The following OLFML2A variants were observed in gnomAD, a reference collection of about 807,000 sequenced individuals.
The protein encoded by OLFML2A is olfactomedin like 2A, also known as olfactomedin-like protein 2A.
A neutral mutation model predicts 60.9 loss-of-function variants in OLFML2A; 47 were observed. The ratio of observed to expected loss-of-function variants is 0.77; its 90% CI spans 0.61 to 0.98. The LOEUF (loss-of-function observed/expected upper bound fraction) is 0.98. Ranked by LOEUF, OLFML2A falls within the 50% of genes least tolerant of loss-of-function variation. OLFML2A has a pLI of 0.00. For missense variants in OLFML2A, 922 were observed against 879.8 expected, an observed-to-expected ratio of 1.05 and a Z score of -0.61; for synonymous variants, 372 against 375.0, an observed-to-expected ratio of 0.99 and a Z score of 0.09.
rs957685262 is a variant in OLFML2A at position 124,777,160 on chromosome 9, A to AGGCGCGG, written c.-100_-94dup. On this transcript the variant is annotated 5_prime_UTR_variant, in exon 1 of 8. Coordinates refer to ENST00000373580, the MANE Select transcript of OLFML2A (RefSeq NM_182487.4). This position sits in a 1 kb window ranked among gnomAD's most constrained non-coding sequence, Gnocchi z 6.2. Reference sequence around the variant, plus strand: ...ACCCGCGGGGCTGGCAGCAGGGTGCAGGCGCGGGGCGCGGGGCAGGCAGAG... The same window carrying AGGCGCGG: ...ACCCGCGGGGCTGGCAGCAGGGTGCAGGCGCGGGGCGCGGGGCGCGGGGCAGGCAGAG... 2.9e-5 allele frequency: 11 copies of AGGCGCGG among 373,538 alleles called. No homozygotes were observed. The highest frequency in any genetic ancestry group is 1.4e-4 in the South Asian group (1 of 7,354). The allele number at this position is 373,538 out of a possible 1,614,324, so 23.1% of individuals were successfully genotyped here.
chr9:124,807,365 C>A (rs112201371), intron 6 of OLFML2A, among the ~76,000 whole-genome samples: 1 of 147,334 alleles, frequency 6.8e-6, no homozygotes, highest in Admixed American at 6.9e-5. Flanking sequence ...CTCACTGCAA[C>A]CTCCGCCTCC....
intron 1 of OLFML2A, among the ~76,000 whole-genome samples, chr9:124,780,680 G>A (rs1005572227): frequency 2.6e-5 from 4 of 152,230 alleles, no homozygotes; most frequent in African/African-American, 9.6e-5. Context: ...TGCAAGGAGG[G>A]TCTTATCCCA....
chr9:124,785,040 A>C (rs1382868900), intron 1 of OLFML2A, among the ~76,000 whole-genome samples: 1 of 125,412 alleles, frequency 8.0e-6, no homozygotes, highest in Admixed American at 1.0e-4. Context: ...TGCAGGCTTG[A>C]CCTCCCAGGC....
At position 124,777,293 on chromosome 9, in the gene OLFML2A, C is replaced by T; in HGVS notation, c.23C>T (p.Pro8Leu). 7.9e-7 allele frequency: 1 copy of T among 1,268,584 alleles called. No individual in the cohort carries two copies. Among genetic ancestry groups the T allele is most frequent in the Non-Finnish European group, 1.0e-6 (1 of 1,000,798 alleles). 78.6% of individuals were successfully genotyped at this position (1,268,584 alleles called of 1,614,324 possible). A position where few individuals can be genotyped will look rare whatever the true frequency, so the allele number is the denominator to read the frequency against. MAAAALP[P>L]RPLLLLPLVL... The stretch of plus-strand genomic sequence containing the variant: ...GCCATGGCCGCTGCCGCCCTCCCGC[C>T]CCGGCCGCTGCTCCTTCTGCCGCTA... Residue 8 changes from proline (P) to leucine (L), a missense_variant, in exon 1 of 8, where the codon CCC becomes CTC. Transcript: ENST00000373580. The surrounding 1 kb of genome is among the most constrained non-coding windows in gnomAD (Gnocchi z 6.2).
intron 1 of OLFML2A, among the ~76,000 whole-genome samples, chr9:124,781,623 A>G (rs781776920): frequency 1.3e-5 from 2 of 152,052 alleles, no homozygotes; most frequent in Non-Finnish European, 2.9e-5. Context: ...GTGAAATGCC[A>G]TCTCTACTAA....
At chr9:124,800,248 AGGCTCCTCT>A (rs1841748644) in intron 4 of OLFML2A, among the ~76,000 whole-genome samples, 2 of 152,218 alleles carry the variant, frequency 1.3e-5, no homozygotes, top group Non-Finnish European at 2.9e-5. Context: ...AACCCCATTC[AGGCTCCTCT>A]GGCCAGTCAC....
At chr9:124,788,905 G>C (rs1359767887) in intron 2 of OLFML2A, among the ~76,000 whole-genome samples, 1 of 152,108 alleles carries the variant, frequency 6.6e-6, no homozygotes, top group Non-Finnish European at 1.5e-5. Context: ...TTTTGTAAAG[G>C]ACCAGATTGT....
chr9:124,807,790 C>A lies in OLFML2A; in HGVS notation c.1178C>A (p.Ala393Glu). Reference sequence around the variant, plus strand: ...GCCCTCCTCCCCACAGGCAGAGAGGCGAGCTGTGAGGGCACCCTCCGGGCT... The same window carrying A: ...GCCCTCCTCCCCACAGGCAGAGAGGAGAGCTGTGAGGGCACCCTCCGGGCT... ...GPEVSSQGRE[A>E]SCEGTLRAVD... The change falls in exon 7 of 8, where the codon GCG (alanine) becomes GAG (glutamate). Residue 393 changes from alanine (A) to glutamate (E), a missense_variant. Ala to Glu is a moderately radical substitution (Grantham distance 107). Transcript: ENST00000373580. The A allele has an allele frequency of 6.2e-7, 1 of 1,610,690 alleles. No homozygotes were observed. Among genetic ancestry groups the A allele is most frequent in the Non-Finnish European group, 8.5e-7 (1 of 1,178,938 alleles).
chr9:124,786,888 A>T, intron 1 of OLFML2A, 87 bp from the exon 2 acceptor site: 1 of 1,431,932 alleles, frequency 7.0e-7, no homozygotes, highest in Non-Finnish European at 9.6e-7. Flanking sequence ...CTGGCTGGCC[A>T]GCTGGCTTCT....
intron 1 of OLFML2A, among the ~76,000 whole-genome samples, chr9:124,780,478 C>T (rs942565910): frequency 3.3e-5 from 5 of 152,184 alleles, no homozygotes; most frequent in Non-Finnish European, 7.4e-5. Flanking sequence ...CGGTGGTGTC[C>T]GGGGCTGGAT....
intron 1 of OLFML2A, among the ~76,000 whole-genome samples, chr9:124,778,213 T>C (rs1271779320): frequency 6.6e-6 from 1 of 150,892 alleles, no homozygotes; most frequent in Non-Finnish European, 1.5e-5. Context: ...CAAAAAAAAG[T>C]AGCCAGGCAT....
intron 2 of OLFML2A, among the ~76,000 whole-genome samples, chr9:124,789,980 T>C (rs1435700420): frequency 1.3e-5 from 2 of 152,224 alleles, no homozygotes; most frequent in African/African-American, 4.8e-5. Flanking sequence ...TAACTGAATA[T>C]TGTACACATG....
chr9:124,791,026 C>T (rs1841560790), intron 2 of OLFML2A, among the ~76,000 whole-genome samples: 1 of 152,208 alleles, frequency 6.6e-6, no homozygotes, highest in South Asian at 2.1e-4. Flanking sequence ...CTTTTCACCT[C>T]CCCACTCCTT....
Position 124,787,029 on chromosome 9 carries a change from T to C in OLFML2A, c.145T>C (p.Cys49Arg), listed in dbSNP as rs1401682654. Residue 49 changes from cysteine (C) to arginine (R), a missense_variant, in exon 2 of 8, where the codon TGC (cysteine) becomes CGC (arginine). Physicochemically the swap from Cys to Arg is radical, Grantham distance 180. Coordinates refer to ENST00000373580, the MANE Select transcript of OLFML2A (RefSeq NM_182487.4). ...RMTSEGSDCR[C>R]KCIMRPLSKD... ...GACCTCGGAGGGCTCCGACTGCCGTTGCAAGTGCATCATGCGGCCCCTGAG... is the reference window on the plus strand; with the variant it reads ...GACCTCGGAGGGCTCCGACTGCCGTCGCAAGTGCATCATGCGGCCCCTGAG... 6.2e-7 allele frequency: 1 copy of C among 1,613,874 alleles called. No individual in the cohort carries two copies. Among genetic ancestry groups the C allele is most frequent in the Non-Finnish European group, 8.5e-7 (1 of 1,180,002 alleles).
At chr9:124,801,217 G>T in intron 4 of OLFML2A, 197 bp from the exon 5 acceptor site, 2 of 894,244 alleles carry the variant, frequency 2.2e-6, no homozygotes, top group South Asian at 1.8e-5. Context: ...TAAAGAGCTG[G>T]GTGAGGAAAC....
intron 5 of OLFML2A, among the ~76,000 whole-genome samples, chr9:124,803,348 G>A (rs4838211): frequency 0.75 from 113,282 of 151,980 alleles, 42,505 homozygotes; most frequent in East Asian, 0.9. Flanking sequence ...CTGCAGCCTT[G>A]ACCTCCTGGG....
In OLFML2A at chr9:124,810,804, C is replaced by T. The variant is rs902278970; in HGVS notation, c.*392C>T. 1.4e-5 allele frequency: 2 copies of T among 147,036 alleles called. No individual in the cohort carries two copies. The highest frequency in any genetic ancestry group is 2.4e-5 in the Non-Finnish European group (2 of 82,052). The allele number at this position is 147,036 out of a possible 1,614,324, so 9.1% of individuals were successfully genotyped here. A position where few individuals can be genotyped will look rare whatever the true frequency, so the allele number is the denominator to read the frequency against. On this transcript the variant is annotated 3_prime_UTR_variant, in exon 8 of 8. Transcript: ENST00000373580. ...GATGAGGAGACTTCACCACGCCCTC[C>T]CCTCCCTGCCCTCCCCCATCTCCCC...
At chr9:124,788,967 C>G (rs774018629) in intron 2 of OLFML2A, among the ~76,000 whole-genome samples, 1 of 152,172 alleles carries the variant, frequency 6.6e-6, no homozygotes, top group Non-Finnish European at 1.5e-5. Flanking sequence ...GGGTCTTGCT[C>G]TGTTGCCCAG....
chr9:124,795,484 A>G (rs1841651855), intron 3 of OLFML2A, among the ~76,000 whole-genome samples: 1 of 152,238 alleles, frequency 6.6e-6, no homozygotes, highest in African/African-American at 2.4e-5. Context: ...GTGGCTGGGC[A>G]TGGTGGCTCA....
Sources: allele counts gnomAD v4.1 joint callset (sites outside exome capture counted in the v4.1 genomes callset), GRCh38; gene constraint gnomAD v4.1.1; non-coding constraint Gnocchi (gnomAD v3.1); transcripts MANE v1.5; gene names NCBI Gene and HGNC (gene_info 2026-07-23, HGNC 2026-07-21).